The following NEB variants were observed in gnomAD, a reference collection of about 807,000 sequenced individuals.
The protein encoded by NEB is nebulin.
NEB carries 512 observed loss-of-function variants against 952.2 expected under a neutral mutation model. That is an observed-to-expected ratio of 0.54 (90% CI 0.50 to 0.58). The LOEUF is 0.58. NEB is among the 20% of genes least tolerant of loss of function. The pLI, the probability that NEB is intolerant of heterozygous loss-of-function variation, is 0.00. For missense variants in NEB, 8,428 were observed against 9,231.1 expected, an observed-to-expected ratio of 0.91 and a Z score of 3.56; for synonymous variants, 2,900 against 3,149.8, an observed-to-expected ratio of 0.92 and a Z score of 2.66.
chr2:151,514,151 A>T (rs560132337), intron 159 of NEB, among the ~76,000 whole-genome samples, 167 bp downstream of exon 159: 2 of 152,332 alleles, frequency 1.3e-5, no homozygotes, highest in South Asian at 2.1e-4. Flanking sequence ...TCAGAAATTG[A>T]GGTATATTTT....
At chr2:151,567,590 T>C in intron 113 of NEB, 111 bp from the exon 114 acceptor site, 2 of 885,880 alleles carry the variant, frequency 2.3e-6, no homozygotes, top group South Asian at 2.3e-5. Context: ...AGCTTTTTGT[T>C]TGACACCCCC....
chr2:151,518,887 A>T (rs759712796), intron 155 of NEB, 78 bp downstream of exon 155: 7 of 873,062 alleles, frequency 8.0e-6, no homozygotes, highest in Non-Finnish European at 1.3e-5. Flanking sequence ...GCAGAGAAGA[A>T]GATGCATCTG....
chr2:151,687,663 A>T lies in NEB; in HGVS notation c.2486T>A (p.Leu829Gln). ...CTTGGTGTTGGCTTTGGCTGCCAAC[A>T]GGGGAATGGCGTCCACTTTAATGTC... ...KFDIKVDAIPLLAAKANTKNT... is the reference protein window; with the variant it reads ...KFDIKVDAIPQLAAKANTKNT... Residue 829 changes from leucine (L) to glutamine (Q), a missense_variant, in exon 26 of 182, where the codon CTG becomes CAG. Physicochemically the swap from Leu to Gln is moderately radical, Grantham distance 113 (BLOSUM62 -2). Around this residue, in one of 11 missense-constraint regions of NEB, gnomAD observed 2,851 missense variants for 2,791.5 expected, o/e 1.02. Coordinates refer to ENST00000397345, the MANE Select transcript of NEB (RefSeq NM_001164508.2). 1.9e-6 allele frequency: 3 copies of T among 1,610,884 alleles called. No individual in the cohort carries two copies. Among genetic ancestry groups the T allele is most frequent in the Non-Finnish European group, 2.5e-6 (3 of 1,178,124 alleles).
At chr2:151,565,377 G>T in intron 116 of NEB, 124 bp downstream of exon 116, 1 of 764,028 alleles carries the variant, frequency 1.3e-6, no homozygotes, top group Non-Finnish European at 2.3e-6. Context: ...CCCCAAAGAT[G>T]ATCTTAGAAT....
chr2:151,723,333 G>A, intron 9 of NEB, 49 bp downstream of exon 9: 1 of 1,367,944 alleles, frequency 7.3e-7, no homozygotes, highest in Non-Finnish European at 1.0e-6. Context: ...TGTAATTCAA[G>A]TTCCCCTGAC....
chr2:151,650,730 G>A lies in NEB; in HGVS notation c.7071C>T (p.Phe2357=). 6.2e-7 allele frequency: 1 copy of A among 1,613,920 alleles called. No homozygotes were observed. ...CTCCCAACATGTCCACTGGGCTGGA[G>A]AACTTAGTTTTCCACTTCTCAAAGT... is the stretch of plus-strand genomic sequence containing the variant. ...KKDFEKWKTK[F]SSPVDMLGVV... is the part of the protein sequence containing the mutation. Residue 2357 remains phenylalanine (F), a synonymous_variant, in exon 53 of 182, where the codon TTC becomes TTT. Transcript: ENST00000397345.
chr2:151,563,898 C>T lies in NEB; in HGVS notation c.18504G>A (p.Lys6168=), dbSNP rs766623941. ...ILYKGAWEGT[K]AYGYTLDERY... is the part of the protein sequence containing the mutation. The stretch of plus-strand genomic sequence containing the variant: ...GCTCATCCAGGGTGTAGCCATAGGC[C>T]TTGGTGCCCTCCCACGCCCCTTTAT... Residue 6168 remains lysine (K), a synonymous_variant, in exon 118 of 182, where the codon AAG becomes AAA. Transcript: ENST00000397345. 1.9e-6 allele frequency: 3 copies of T among 1,611,710 alleles called. No individual in the cohort carries two copies. The highest frequency in any genetic ancestry group is 2.7e-5 in the African/African-American group (2 of 74,850).
chr2:151,567,052 A>G lies in NEB; in HGVS notation c.18156+116T>C, dbSNP rs539629438. The G allele has an allele frequency of 9.8e-4, 925 of 939,158 alleles. 6 individuals carry two copies. The Middle Eastern group carries it at 0.01, about 10-fold the overall frequency. 58.2% of individuals were successfully genotyped at this position (939,158 alleles called of 1,614,324 possible). A position where few individuals can be genotyped will look rare whatever the true frequency, so the allele number is the denominator to read the frequency against. On this transcript the variant is annotated intron_variant, in intron 114 of 181. Coordinates refer to ENST00000397345, the MANE Select transcript of NEB (RefSeq NM_001164508.2). The stretch of plus-strand genomic sequence containing the variant: ...ATATCCAGCCTCAATTCCCTTTGGG[A>G]ACAAATTAAATATCGATGGCCTCAA...
At chr2:151,607,253 G>A (rs2097743301) in intron 83 of NEB, among the ~76,000 whole-genome samples, 1 of 103,528 alleles carries the variant, frequency 9.7e-6, no homozygotes, top group African/African-American at 2.6e-5. Flanking sequence ...ACTGTTAAGA[G>A]TGAAGGAGGA....
chr2:151,658,937 CAT>C lies in NEB; in HGVS notation c.6075+126_6075+127del, dbSNP rs967065389. The C allele has an allele frequency of 3.8e-5, 31 of 810,788 alleles. No individual in the cohort carries two copies. In the East Asian group the frequency reaches 4.6e-4, roughly 12 times the overall value. The allele number at this position is 810,788 out of a possible 1,614,324, so 50.2% of individuals were successfully genotyped here. A position where few individuals can be genotyped will look rare whatever the true frequency, so the allele number is the denominator to read the frequency against. On this transcript the variant is annotated intron_variant, in intron 47 of 181. Coordinates refer to ENST00000397345, the MANE Select transcript of NEB (RefSeq NM_001164508.2). ...CGCAAAGCAAAATTAGAAAGAGTCT[CAT>C]GTGTGGATTTCCACCATTATTTTTA...
At chr2:151,633,219 T>C (rs554981365) in intron 65 of NEB, among the ~76,000 whole-genome samples, 2 of 152,352 alleles carry the variant, frequency 1.3e-5, no homozygotes, top group South Asian at 2.1e-4. Flanking sequence ...TGTGAAACAG[T>C]CCAGTAGTGT....
intron 125 of NEB, among the ~76,000 whole-genome samples, chr2:151,554,722 A>G (rs1156264593): frequency 6.6e-6 from 1 of 152,220 alleles, no homozygotes; most frequent in Non-Finnish European, 1.5e-5. Context: ...ATGTTTAGAT[A>G]CACAAATACT....
At chr2:151,649,444 TATATTTAG>T (rs1160517679) in intron 54 of NEB, among the ~76,000 whole-genome samples, 1 of 152,194 alleles carries the variant, frequency 6.6e-6, no homozygotes. Context: ...CTACAGTACA[TATATTTAG>T]ATCCTCCTAA....
intron 24 of NEB, chr2:151,689,516 T>C (rs2099529852): frequency 6.6e-6 from 1 of 152,256 alleles, no homozygotes; most frequent in African/African-American, 2.4e-5. Context: ...TGAATTCTTA[T>C]TTAAATTATT....
In NEB at chr2:151,570,075, A is replaced by T. The variant is rs916991200; in HGVS notation, c.17430+6T>A. 1 of 1,600,510 alleles carries T rather than the reference A, an allele frequency of 6.2e-7. No individual in the cohort carries two copies. The highest frequency in any genetic ancestry group is 1.7e-5 in the Admixed American group (1 of 58,028). On this transcript the variant is annotated splice_donor_region_variant and intron_variant, in intron 109 of 181. Transcript: ENST00000397345. Reference sequence around the variant, plus strand: ...AAGAGTTCAACCCCAAATGCAGCCCACTCACATCGCTCTGCAGTTCGTAGG... The same window carrying T: ...AAGAGTTCAACCCCAAATGCAGCCCTCTCACATCGCTCTGCAGTTCGTAGG...
chr2:151,488,676 T>C (rs1472368794), intron 181 of NEB, among the ~76,000 whole-genome samples: 1 of 152,024 alleles, frequency 6.6e-6, no homozygotes, highest in African/African-American at 2.4e-5. Context: ...TCTGTATTAT[T>C]CTTTGTACTT....
At position 151,547,553 on chromosome 2, in the gene NEB, C is replaced by T. The variant is rs763778666; in HGVS notation, c.20263-20G>A. On this transcript the variant is annotated intron_variant, in intron 132 of 181. Coordinates refer to ENST00000397345, the MANE Select transcript of NEB (RefSeq NM_001164508.2). ...GATCAACTAAAGAAAAAAAAATACC[C>T]CAAAACATATGTATTAGAGACCGAA... 3 of 1,598,268 alleles carry T rather than the reference C, an allele frequency of 1.9e-6. No individual in the cohort carries two copies. The African/African-American group carries it at 4.0e-5, about 21-fold the overall frequency.
In NEB at chr2:151,612,273, G is replaced by C; in HGVS notation, c.11718C>G (p.Arg3906=). 1.2e-6 allele frequency: 2 copies of C among 1,613,796 alleles called. No homozygotes were observed. The highest frequency in any genetic ancestry group is 1.7e-6 in the Non-Finnish European group (2 of 1,179,814). ...TGAATTTGAGCTGGTCTGCAGGCTGGCGATACTTCCTGTCACTCAGGATTT... is the reference window on the plus strand; with the variant it reads ...TGAATTTGAGCTGGTCTGCAGGCTGCCGATACTTCCTGTCACTCAGGATTT... ...AGEILSDRKY[R]QPADQLKFTC... The change falls in exon 78 of 182, where the codon CGC becomes CGG. Residue 3906 remains arginine (R), a synonymous_variant. Transcript: ENST00000397345.
intron 42 of NEB, 77 bp downstream of exon 42, chr2:151,665,256 C>G: frequency 1.4e-5 from 19 of 1,347,876 alleles, no homozygotes; most frequent in Non-Finnish European, 1.9e-5. Context: ...CTGTAGGAGA[C>G]GATTGGGGCA....
Sources: allele counts gnomAD v4.1 joint callset (sites outside exome capture counted in the v4.1 genomes callset), GRCh38; gene constraint gnomAD v4.1.1; regional missense constraint gnomAD v4.1.1; transcripts MANE v1.5; gene names NCBI Gene and HGNC (gene_info 2026-07-23, HGNC 2026-07-21).